SYMPK: variants seen among roughly 807,000 people sequenced by gnomAD.
The protein encoded by SYMPK is symplekin scaffold protein.
A neutral mutation model predicts 136.4 loss-of-function variants in SYMPK; 49 were observed. The observed-to-expected ratio is 0.36, with a 90% CI of 0.29 to 0.46. The LOEUF is 0.46. Among genes scored for constraint, SYMPK ranks in the 20% least tolerant of loss-of-function variants. SYMPK has a pLI of 1.00. For missense variants in SYMPK, 1,365 were observed against 1,690.0 expected (o/e 0.81, Z 3.37); for synonymous variants, 766 against 713.0 (o/e 1.07, Z -1.19).
chr19:45,839,677 C>CA (rs920868000), intron 9 of SYMPK, among the ~76,000 whole-genome samples: 2 of 151,822 alleles, frequency 1.3e-5, no homozygotes, highest in Non-Finnish European at 2.9e-5. Flanking sequence ...AAAAAAAATA[C>CA]AAAAAATTAG....
At chr19:45,829,544 G>C (rs73940338) in intron 13 of SYMPK, among the ~76,000 whole-genome samples, 2,720 of 152,182 alleles carry the variant, frequency 0.018, 78 homozygotes, top group African/African-American at 0.06. Flanking sequence ...GATGGCCACG[G>C]AAGAGTACTG....
chr19:45,844,865 C>G (rs953937644), intron 7 of SYMPK, among the ~76,000 whole-genome samples: 1 of 151,900 alleles, frequency 6.6e-6, no homozygotes, highest in South Asian at 2.1e-4. Flanking sequence ...AGAAACATAA[C>G]GAATGCCATA....
chr19:45,817,020 C>T lies in SYMPK; in HGVS notation c.3082-46G>A, dbSNP rs76310850. On this transcript the variant is annotated intron_variant, in intron 23 of 26. Transcript: ENST00000245934. ...GCCGTCGGGAGAGGCACACAGGCAT[C>T]CCCCCGAGCCTTGACACTGGGAGAA... is the stretch of plus-strand genomic sequence containing the variant. The T allele has an allele frequency of 3.2e-4, 495 of 1,526,358 alleles. 2 individuals carry two copies. In the African/African-American group the frequency reaches 6.4e-3, roughly 20 times the overall value. The allele number at this position is 1,526,358 out of a possible 1,614,324, so 94.6% of individuals were successfully genotyped here. A position where few individuals can be genotyped will look rare whatever the true frequency, so the allele number is the denominator to read the frequency against.
intron 25 of SYMPK, 39 bp downstream of exon 25, chr19:45,816,443 A>T: frequency 6.3e-7 from 1 of 1,584,646 alleles, no homozygotes; most frequent in Non-Finnish European, 8.5e-7. Flanking sequence ...AGGGGGTGGG[A>T]GTCTGGGGAT....
intron 6 of SYMPK, 123 bp from the exon 7 acceptor site, chr19:45,848,124 CAG>C: frequency 7.8e-7 from 1 of 1,273,924 alleles, no homozygotes; most frequent in Non-Finnish European, 1.1e-6. Context: ...ATTTGGTTAA[CAG>C]TTACTGAGTT....
rs1423451890 is a variant in SYMPK, at chr19:45,827,922, C to A, written c.1986-4G>T. On this transcript the variant is annotated splice_polypyrimidine_tract_variant and splice_region_variant and intron_variant, in intron 14 of 26. Coordinates refer to ENST00000245934, the MANE Select transcript of SYMPK (RefSeq NM_004819.3). ...CAGCACAACCTTGGTGAAGATCCTG[C>A]CAGAGATGGAGGGAGGGCCATGGCT... The A allele has an allele frequency of 6.2e-7, 1 of 1,613,696 alleles. No individual in the cohort carries two copies. Among genetic ancestry groups the A allele is most frequent in the Admixed American group, 1.7e-5 (1 of 60,010 alleles).
Position 45,816,538 on chromosome 19 carries a change from C to T in SYMPK, c.3298G>A (p.Ala1100Thr). ...GCCTCTGGCTCCTGCTTGCCGCTGG[C>T]CTCCAAGATGGTCATGATGGAGTTA... ...IPNSIMTILE[A>T]SGKQEPEAKE... The change falls in exon 25 of 27, where the codon GCC (alanine) becomes ACC (threonine). Residue 1100 changes from alanine to threonine, a missense_variant. This residue lies in a region of SYMPK where 341 missense variants were observed against 270.5 expected (regional missense o/e 1.26). Transcript: ENST00000245934. The T allele has an allele frequency of 6.2e-7, 1 of 1,613,698 alleles. No homozygotes were observed.
At chr19:45,857,149 G>A (rs567321616) in intron 1 of SYMPK, among the ~76,000 whole-genome samples, 6 of 151,156 alleles carry the variant, frequency 4.0e-5, no homozygotes, top group South Asian at 4.2e-4. Context: ...TGGCTCACAC[G>A]TGTAATCCCA....
At chr19:45,847,726 G>C (rs777492985) in intron 7 of SYMPK, 26 bp downstream of exon 7, 12 of 1,595,786 alleles carry the variant, frequency 7.5e-6, no homozygotes, top group East Asian at 2.3e-5. Flanking sequence ...GGGCTGTCAG[G>C]GGTGGCAGCT....
At chr19:45,847,169 A>G (rs1027934443) in intron 7 of SYMPK, among the ~76,000 whole-genome samples, 1 of 152,100 alleles carries the variant, frequency 6.6e-6, no homozygotes, top group Non-Finnish European at 1.5e-5. Context: ...CCGTAATCCC[A>G]GCACTTTGGG....
In SYMPK at chr19:45,854,837, C is replaced by T. The variant is rs116252371; in HGVS notation, c.-12-330G>A. On this transcript the variant is annotated intron_variant, in intron 1 of 26. Transcript: ENST00000245934. The stretch of plus-strand genomic sequence containing the variant: ...GCAGGTCTCCGTGTGTCCCCTCTCT[C>T]CATCTGGGATATGCTTTGGACTGGG... The T allele has an allele frequency of 1.5e-3, 500 of 338,112 alleles. 4 individuals are homozygous for T. The highest frequency in any genetic ancestry group is 8.7e-3 in the African/African-American group (417 of 47,950). The allele number at this position is 338,112 out of a possible 1,614,324, so 20.9% of individuals were successfully genotyped here. A position where few individuals can be genotyped will look rare whatever the true frequency, so the allele number is the denominator to read the frequency against.
chr19:45,836,319 C>T (rs1441284698), intron 10 of SYMPK, among the ~76,000 whole-genome samples: 1 of 151,892 alleles, frequency 6.6e-6, no homozygotes, highest in Non-Finnish European at 1.5e-5. Flanking sequence ...TTCAAACTTC[C>T]TATACATTTG....
At position 45,842,406 on chromosome 19, in the gene SYMPK, G is replaced by C. The variant is rs761525922; in HGVS notation, c.931C>G (p.His311Asp). 1 of 1,614,226 alleles carries C rather than the reference G, an allele frequency of 6.2e-7. No individual in the cohort carries two copies. ...LKLHLLSVLK[H>D]PASLEFQAQI... Reference sequence around the variant, plus strand: ...GCCTGGAACTCCAAGGAAGCCGGGTGCTTCAGCACACTCAACAGGTGCAGC... The same window carrying C: ...GCCTGGAACTCCAAGGAAGCCGGGTCCTTCAGCACACTCAACAGGTGCAGC... Residue 311 changes from histidine to aspartate, a missense_variant, in exon 9 of 27, where the codon CAC becomes GAC. His to Asp is a moderately conservative substitution (Grantham distance 81, BLOSUM62 -1). Around this residue, in one of 11 missense-constraint regions of SYMPK, gnomAD observed 111 missense variants for 141.2 expected, o/e 0.79. Transcript: ENST00000245934.
In SYMPK at chr19:45,824,423, A is replaced by G. The variant is rs117731893; in HGVS notation, c.2491-548T>C. Among the ~76,000 whole-genome samples, 199 of 152,260 alleles carry G rather than the reference A, an allele frequency of 1.3e-3. 2 individuals carry two copies. In the East Asian group the frequency reaches 0.024, roughly 18 times the overall value. ...CAGCCCTGCCAGATAACTTTTCTGC[A>G]AAGTGAGATCACTTTTCCACAGCTG... On this transcript the variant is annotated intron_variant, in intron 18 of 26. Coordinates refer to ENST00000245934, the MANE Select transcript of SYMPK (RefSeq NM_004819.3).
In SYMPK at chr19:45,821,383, C is replaced by T; in HGVS notation, c.2893+1G>A. ...ACTGGAGTGGGGGGGAAGCGCCTCA[C>T]CTTTGATGATGGATTTCATGTCGCA... On this transcript the variant is annotated splice_donor_variant, in intron 22 of 26. Transcript: ENST00000245934. LOFTEE classifies it high-confidence loss of function. The surrounding 1 kb of genome is among the most constrained non-coding windows in gnomAD (Gnocchi z 4.4). The T allele has an allele frequency of 6.2e-7, 1 of 1,613,292 alleles. No homozygotes were observed. The highest frequency in any genetic ancestry group is 8.5e-7 in the Non-Finnish European group (1 of 1,179,404).
At chr19:45,839,032 ATGCGCCACCAG>A (rs1473634416) in intron 9 of SYMPK, among the ~76,000 whole-genome samples, 3 of 152,198 alleles carry the variant, frequency 2.0e-5, no homozygotes, top group Non-Finnish European at 4.4e-5. Flanking sequence ...GATTATAGGC[ATGCGCCACCAG>A]GCCCAGCTAA....
intron 10 of SYMPK, 102 bp from the exon 11 acceptor site, chr19:45,835,330 G>T: frequency 1.7e-6 from 2 of 1,208,698 alleles, no homozygotes; most frequent in Non-Finnish European, 2.2e-6. Flanking sequence ...GCCTAAGACC[G>T]ACTTGGGCCT....
At position 45,852,287 on chromosome 19, in the gene SYMPK, C is replaced by T. The variant is rs753334410; in HGVS notation, c.299+25G>A. Reference sequence around the variant, plus strand: ...AGGCTGCCACCAGTGAGAATGCTCCCGGGGCTCCGTGCCTCGCCCCATACC... The same window carrying T: ...AGGCTGCCACCAGTGAGAATGCTCCTGGGGCTCCGTGCCTCGCCCCATACC... On this transcript the variant is annotated intron_variant, in intron 5 of 26. Coordinates refer to ENST00000245934, the MANE Select transcript of SYMPK (RefSeq NM_004819.3). The T allele has an allele frequency of 6.5e-5, 105 of 1,613,764 alleles. 1 individual carries two copies. Among genetic ancestry groups the T allele is most frequent in the Middle Eastern group, 3.3e-4 (2 of 6,066 alleles).
chr19:45,846,460 A>G (rs565257370), intron 7 of SYMPK, among the ~76,000 whole-genome samples: 3 of 152,358 alleles, frequency 2.0e-5, no homozygotes, highest in African/African-American at 7.2e-5. Flanking sequence ...CCAAATGCTC[A>G]TACCTACATC....
Sources: allele counts gnomAD v4.1 joint callset (sites outside exome capture counted in the v4.1 genomes callset), GRCh38; gene constraint gnomAD v4.1.1; regional missense constraint gnomAD v4.1.1; non-coding constraint Gnocchi (gnomAD v3.1); transcripts MANE v1.5; gene names NCBI Gene and HGNC (gene_info 2026-07-23, HGNC 2026-07-21).